The following ASMTL variants were observed in gnomAD, a reference collection of about 807,000 sequenced individuals.
The protein encoded by ASMTL is probable bifunctional dTTP/UTP pyrophosphatase/methyltransferase protein.
ASMTL carries 57 observed loss-of-function variants against 60.3 expected under a neutral mutation model. That is an observed-to-expected ratio of 0.95 (90% CI 0.76 to 1.18). The LOEUF (loss-of-function observed/expected upper bound fraction) is 1.18. ASMTL is among the 50% of genes most tolerant of loss of function. The pLI is 0.00. For missense variants in ASMTL, 981 were observed against 852.6 expected, an observed-to-expected ratio of 1.15 and a Z score of -1.88; for synonymous variants, 419 against 373.0, an observed-to-expected ratio of 1.12 and a Z score of -1.42.
At chrX:1,420,960 ATTTTT>A (rs57552675) in intron 9 of ASMTL, among the ~76,000 whole-genome samples, 5 of 135,490 alleles carry the variant, frequency 3.7e-5, no homozygotes, top group Non-Finnish European at 7.9e-5. Context: ...CTAATCGTTA[ATTTTT>A]TTTTTTTTTT....
In ASMTL at chrX:1,418,964, G is replaced by C. The variant is rs2090394406; in HGVS notation, c.1378+18C>G. On this transcript the variant is annotated intron_variant, in intron 10 of 12. Transcript: ENST00000381317. ...AATAAACGAAAGTAAGGAGAGCCCT[G>C]GCGGGGGGGCCACCCACCTCCCACG... 6.2e-7 allele frequency: 1 copy of C among 1,610,960 alleles called. No individual in the cohort carries two copies. The highest frequency in any genetic ancestry group is 8.5e-7 in the Non-Finnish European group (1 of 1,179,800).
At chrX:1,440,726 G>C (rs1325328296) in intron 2 of ASMTL, among the ~76,000 whole-genome samples, 2 of 152,142 alleles carry the variant, frequency 1.3e-5, no homozygotes, top group Non-Finnish European at 2.9e-5. Context: ...CTGAGGTCAG[G>C]AGTTGGAGAC....
intron 11 of ASMTL, among the ~76,000 whole-genome samples, chrX:1,417,170 G>A (rs1179045030): frequency 2.7e-5 from 4 of 148,382 alleles, no homozygotes; most frequent in Non-Finnish European, 4.5e-5. Flanking sequence ...ACAACCACCG[G>A]CCCACAGCAT....
Position 1,427,947 on chromosome X carries a change from G to A in ASMTL, c.684C>T (p.Ser228=). ...EDLRRSVKHD[S]IPAADTFEDL... Reference sequence around the variant, plus strand: ...CTTCGAAGGTGTCCGCGGCCGGGATGGAGTCGTGCTTGACACTCCGCCGCA... The same window carrying A: ...CTTCGAAGGTGTCCGCGGCCGGGATAGAGTCGTGCTTGACACTCCGCCGCA... Residue 228 remains serine (S), a synonymous_variant, in exon 7 of 13, where the codon TCC becomes TCT. Transcript: ENST00000381317. The A allele has an allele frequency of 6.2e-7, 1 of 1,613,494 alleles. No homozygotes were observed. The highest frequency in any genetic ancestry group is 1.7e-5 in the Admixed American group (1 of 60,018).
At chrX:1,436,631 G>A (rs1296671748) in intron 3 of ASMTL, among the ~76,000 whole-genome samples, 1 of 151,144 alleles carries the variant, frequency 6.6e-6, no homozygotes, top group Non-Finnish European at 1.5e-5. Flanking sequence ...GGATGACAGG[G>A]GTGAGCCACC....
Position 1,403,310 on chromosome X carries a change from C to A in ASMTL, c.1825G>T (p.Gly609Cys). Residue 609 changes from glycine to cysteine, a missense_variant, in exon 13 of 13, where the codon GGT (glycine) becomes TGT (cysteine). Gly to Cys is a radical substitution (Grantham distance 159). Coordinates refer to ENST00000381317, the MANE Select transcript of ASMTL (RefSeq NM_004192.4). ...FHQVQVVHLGGVLDAILATKV... is the reference protein window; with the variant it reads ...FHQVQVVHLGCVLDAILATKV... Reference sequence around the variant, plus strand: ...GTGGCCAAGATGGCATCCAGGACACCCCCCAAGTGCACCACCTGCACCTGG... The same window carrying A: ...GTGGCCAAGATGGCATCCAGGACACACCCCAAGTGCACCACCTGCACCTGG... The A allele has an allele frequency of 6.2e-7, 1 of 1,613,188 alleles. No individual in the cohort carries two copies. The highest frequency in any genetic ancestry group is 8.5e-7 in the Non-Finnish European group (1 of 1,179,860).
chrX:1,419,933 T>C (rs1469090813), intron 9 of ASMTL, among the ~76,000 whole-genome samples: 1 of 152,138 alleles, frequency 6.6e-6, no homozygotes, highest in Non-Finnish European at 1.5e-5. Context: ...TCTCCCTTGG[T>C]CTCTGTCTGT....
chrX:1,416,318 GAC>G (rs377553148), intron 11 of ASMTL, among the ~76,000 whole-genome samples: 5,681 of 88,576 alleles, frequency 0.064, 424 homozygotes, highest in African/African-American at 0.21. Flanking sequence ...TGCACAGCTG[GAC>G]ACACACACAC....
At chrX:1,416,378 C>T (rs1439685428) in intron 11 of ASMTL, among the ~76,000 whole-genome samples, 8 of 53,312 alleles carry the variant, frequency 1.5e-4, no homozygotes, top group Non-Finnish European at 3.8e-4. Flanking sequence ...CAGACATGCA[C>T]AGATGGGCAC....
At chrX:1,436,414 G>A (rs1265845472) in intron 3 of ASMTL, among the ~76,000 whole-genome samples, 2 of 151,558 alleles carry the variant, frequency 1.3e-5, no homozygotes, top group African/African-American at 4.9e-5. Flanking sequence ...GTGCAGTGGC[G>A]CGATCTCGGC....
chrX:1,418,918 C>G (rs2090392821), intron 10 of ASMTL, 64 bp downstream of exon 10: 1 of 1,602,346 alleles, frequency 6.2e-7, no homozygotes. Flanking sequence ...GTGTCCTGAG[C>G]AGGGAAGATA....
intron 3 of ASMTL, among the ~76,000 whole-genome samples, chrX:1,437,331 G>C (rs2090992138): frequency 1.3e-5 from 2 of 150,398 alleles, no homozygotes; most frequent in South Asian, 2.1e-4. Flanking sequence ...GTCCATTTCA[G>C]GCTGCTAAAA....
At chrX:1,412,976 G>A in intron 11 of ASMTL, 122 bp from the exon 12 acceptor site, 4 of 1,089,132 alleles carry the variant, frequency 3.7e-6, no homozygotes, top group Non-Finnish European at 4.2e-6. Context: ...GGTGTGGGCG[G>A]GAATGGGTCT....
At chrX:1,407,719 A>G (rs1304703051) in intron 12 of ASMTL, among the ~76,000 whole-genome samples, 2 of 151,868 alleles carry the variant, frequency 1.3e-5, no homozygotes, top group Non-Finnish European at 2.9e-5. Flanking sequence ...CCCTGTCTCT[A>G]TTTTATTTTT....
At chrX:1,432,626 G>A (rs745496626) in intron 5 of ASMTL, among the ~76,000 whole-genome samples, 30 of 152,058 alleles carry the variant, frequency 2.0e-4, no homozygotes, top group African/African-American at 7.0e-4. Flanking sequence ...TCAGGAGTTC[G>A]AGACCATCCT....
At chrX:1,415,085 C>T (rs2090187249) in intron 11 of ASMTL, among the ~76,000 whole-genome samples, 1 of 151,664 alleles carries the variant, frequency 6.6e-6, no homozygotes, top group Non-Finnish European at 1.5e-5. Context: ...GGATTATAGG[C>T]ACCCGCCACC....
chrX:1,404,199 AGATGGATGG>A (rs1416477474), intron 12 of ASMTL, among the ~76,000 whole-genome samples: 2 of 137,264 alleles, frequency 1.5e-5, no homozygotes, highest in African/African-American at 5.6e-5. Context: ...TGCATGGATG[AGATGGATGG>A]GTGAATAGAT....
intron 1 of ASMTL, among the ~76,000 whole-genome samples, chrX:1,444,664 C>T (rs1380267387): frequency 1.4e-4 from 22 of 152,112 alleles, no homozygotes; most frequent in Non-Finnish European, 1.5e-4. Context: ...GAGCCTCTGG[C>T]CCTCTGACCC....
intron 2 of ASMTL, 182 bp downstream of exon 2, chrX:1,442,004 A>G: frequency 1.5e-6 from 1 of 676,852 alleles, no homozygotes; most frequent in Non-Finnish European, 2.6e-6. Flanking sequence ...ATTCTGTATC[A>G]TTAATGGTAT....
Sources: allele counts gnomAD v4.1 joint callset (sites outside exome capture counted in the v4.1 genomes callset), GRCh38; gene constraint gnomAD v4.1.1; transcripts MANE v1.5; gene names NCBI Gene and HGNC (gene_info 2026-07-23, HGNC 2026-07-21).